The following LOC128462377 variants were observed in gnomAD, a reference collection of about 807,000 sequenced individuals.
chr16:89,386,244 T>TA, the LOC128462377 span, among the ~76,000 whole-genome samples: 1 of 151,784 alleles, frequency 6.6e-6, no homozygotes, highest in Non-Finnish European at 1.5e-5. Context: ...AATGACCAAA[T>TA]AAAAAATGAC....
At chr16:89,361,011 C>A in the LOC128462377 span, among the ~76,000 whole-genome samples, 1 of 152,194 alleles carries the variant, frequency 6.6e-6, no homozygotes, top group African/African-American at 2.4e-5. Flanking sequence ...CCAACTCACA[C>A]AGTGAACGAC....
chr16:89,377,343 G>C, the LOC128462377 span, among the ~76,000 whole-genome samples: 163 of 152,236 alleles, frequency 1.1e-3, no homozygotes, highest in Middle Eastern at 6.8e-3. Flanking sequence ...TATAGAGAAA[G>C]CCATGAAAGC....
the LOC128462377 span, among the ~76,000 whole-genome samples, chr16:89,391,909 A>C: frequency 1.4e-5 from 2 of 147,914 alleles, no homozygotes; most frequent in African/African-American, 2.5e-5. Context: ...TTTAGCCTAA[A>C]TATCTGCCCT....
the LOC128462377 span, among the ~76,000 whole-genome samples, chr16:89,399,383 C>T: frequency 6.6e-6 from 1 of 152,166 alleles, no homozygotes; most frequent in Non-Finnish European, 1.5e-5. Context: ...TAGACGCATG[C>T]TGCTGAGTGA....
At chr16:89,347,106 C>T in the LOC128462377 span, among the ~76,000 whole-genome samples, 6 of 151,754 alleles carry the variant, frequency 4.0e-5, no homozygotes, top group African/African-American at 1.5e-4. Flanking sequence ...CTCCTAGGCC[C>T]GTGGAGGTGT....
At chr16:89,388,513 A>AAC in the LOC128462377 span, among the ~76,000 whole-genome samples, 1 of 152,022 alleles carries the variant, frequency 6.6e-6, no homozygotes, top group Non-Finnish European at 1.5e-5. Flanking sequence ...GGTGCTGTCG[A>AAC]ACGCACACAC....
the LOC128462377 span, among the ~76,000 whole-genome samples, chr16:89,331,954 A>T: frequency 6.6e-6 from 1 of 152,002 alleles, no homozygotes; most frequent in Non-Finnish European, 1.5e-5. Flanking sequence ...TGTTCACCAC[A>T]CTCTCTCTTA....
chr16:89,350,687 G>A, the LOC128462377 span, among the ~76,000 whole-genome samples: 7 of 152,328 alleles, frequency 4.6e-5, no homozygotes, highest in African/African-American at 1.7e-4. Flanking sequence ...TTCTTGGGGT[G>A]ATGGAAATAC....
At chr16:89,376,180 A>G in the LOC128462377 span, among the ~76,000 whole-genome samples, 5 of 152,364 alleles carry the variant, frequency 3.3e-5, no homozygotes, top group East Asian at 3.9e-4. Context: ...GGATTGCTAT[A>G]AGAAAGGCAA....
the LOC128462377 span, among the ~76,000 whole-genome samples, chr16:89,333,192 C>T: frequency 1.3e-5 from 2 of 152,244 alleles, no homozygotes; most frequent in African/African-American, 4.8e-5. Context: ...AGGTCAATTC[C>T]AGAATCATTT....
the LOC128462377 span, among the ~76,000 whole-genome samples, chr16:89,379,127 C>T: frequency 2.6e-5 from 4 of 152,208 alleles, no homozygotes; most frequent in Non-Finnish European, 5.9e-5. Flanking sequence ...TTCTCACTGG[C>T]TTCTAGAAGG....
chr16:89,349,960 A>G, the LOC128462377 span, among the ~76,000 whole-genome samples: 5 of 152,022 alleles, frequency 3.3e-5, no homozygotes, highest in Admixed American at 6.6e-5. Flanking sequence ...TAGAATCCAT[A>G]AAGAACTCTC....
the LOC128462377 span, among the ~76,000 whole-genome samples, chr16:89,397,886 CT>C: frequency 2.0e-5 from 3 of 152,252 alleles, no homozygotes; most frequent in African/African-American, 7.2e-5. Context: ...GGGCATGGGA[CT>C]CTCCATCCCT....
chr16:89,395,383 G>A, the LOC128462377 span, among the ~76,000 whole-genome samples: 5 of 152,206 alleles, frequency 3.3e-5, no homozygotes, highest in South Asian at 2.1e-4. Context: ...CCTGCACTGC[G>A]GGGACATGGT....
the LOC128462377 span, among the ~76,000 whole-genome samples, chr16:89,352,491 T>G: frequency 2.0e-5 from 3 of 151,938 alleles, no homozygotes; most frequent in Admixed American, 1.3e-4. Flanking sequence ...TCTTCAAGGC[T>G]CACACCCTTC....
the LOC128462377 span, among the ~76,000 whole-genome samples, chr16:89,396,263 T>C: frequency 6.6e-6 from 1 of 152,204 alleles, no homozygotes; most frequent in African/African-American, 2.4e-5. Flanking sequence ...CGTCGGGAGA[T>C]GCACACGAGT....
chr16:89,369,590 G>A, the LOC128462377 span, among the ~76,000 whole-genome samples: 2 of 152,234 alleles, frequency 1.3e-5, no homozygotes, highest in African/African-American at 2.4e-5. Context: ...GGTTGCCAGG[G>A]TGGAAAGAGG....
At chr16:89,387,394 C>T in the LOC128462377 span, among the ~76,000 whole-genome samples, 6 of 152,080 alleles carry the variant, frequency 3.9e-5, no homozygotes, top group African/African-American at 7.2e-5. Context: ...GTGCTTGGGC[C>T]GGGCGCGGTG....
the LOC128462377 span, among the ~76,000 whole-genome samples, chr16:89,341,829 ACGGCCCACGGCGGGAG>A: frequency 2.0e-5 from 3 of 152,058 alleles, no homozygotes; most frequent in African/African-American, 7.2e-5. Context: ...CACAGCAGCC[ACGGCCCACGGCGGGAG>A]TGCTGCACCT....
Sources: allele counts gnomAD v4.1 joint callset (sites outside exome capture counted in the v4.1 genomes callset), GRCh38; gene constraint gnomAD v4.1.1; transcripts MANE v1.5.